KANSL1L: variants seen among roughly 807,000 people sequenced by gnomAD.
The protein encoded by KANSL1L is KAT8 regulatory NSL complex subunit 1-like protein.
A neutral mutation model predicts 108.6 loss-of-function variants in KANSL1L; 25 were observed. The ratio of observed to expected loss-of-function variants is 0.23; its 90% CI spans 0.17 to 0.32. The LOEUF (loss-of-function observed/expected upper bound fraction) is 0.32. Ranked by LOEUF, KANSL1L falls within the 10% of genes least tolerant of loss-of-function variation. The pLI is 1.00. For missense variants in KANSL1L, 1,137 were observed against 1,125.7 expected, an observed-to-expected ratio of 1.01 and a Z score of -0.14; for synonymous variants, 405 against 395.1, an observed-to-expected ratio of 1.03 and a Z score of -0.30.
chr2:210,101,233 G>A (rs919354853), intron 4 of KANSL1L, among the ~76,000 whole-genome samples: 7 of 152,144 alleles, frequency 4.6e-5, no homozygotes, highest in African/African-American at 9.7e-5. Flanking sequence ...CAGGCTGAGC[G>A]CAGATGGAGG....
At chr2:210,088,710 G>C (rs1023748647) in intron 5 of KANSL1L, 2 of 152,444 alleles carry the variant, frequency 1.3e-5, no homozygotes, top group African/African-American at 4.8e-5. Flanking sequence ...GTGGGCATTG[G>C]CTTGTTACCT....
intron 6 of KANSL1L, among the ~76,000 whole-genome samples, chr2:210,067,597 G>A (rs1362497733): frequency 2.0e-5 from 3 of 151,682 alleles, no homozygotes; most frequent in South Asian, 2.1e-4. Flanking sequence ...CAGCTACTCC[G>A]GAGGCTGAGG....
At chr2:210,054,419 T>A (rs981965395) in intron 6 of KANSL1L, among the ~76,000 whole-genome samples, 1 of 152,104 alleles carries the variant, frequency 6.6e-6, no homozygotes, top group African/African-American at 2.4e-5. Context: ...TACTGTGTTA[T>A]AAAGATGTTG....
chr2:210,034,058 T>C (rs2094064917), intron 8 of KANSL1L, among the ~76,000 whole-genome samples: 1 of 152,126 alleles, frequency 6.6e-6, no homozygotes, highest in Admixed American at 6.5e-5. Flanking sequence ...GATCACACTT[T>C]CATAGCATTT....
chr2:210,098,879 T>C (rs142400957), intron 4 of KANSL1L, among the ~76,000 whole-genome samples: 183 of 150,866 alleles, frequency 1.2e-3, no homozygotes, highest in African/African-American at 4.0e-3. Context: ...ATATATGTAA[T>C]AAATATTAAA....
At chr2:210,163,032 T>G (rs780308024) in intron 1 of KANSL1L, among the ~76,000 whole-genome samples, 9 of 152,178 alleles carry the variant, frequency 5.9e-5, no homozygotes, top group Non-Finnish European at 1.2e-4. Flanking sequence ...ACAGAACATC[T>G]TTTCTATCCT....
chr2:210,062,512 G>C (rs557078607), intron 6 of KANSL1L, among the ~76,000 whole-genome samples: 3 of 152,286 alleles, frequency 2.0e-5, no homozygotes, highest in African/African-American at 7.2e-5. Flanking sequence ...AGAAAAGTGT[G>C]GGAAAGTTTG....
At chr2:210,165,338 T>C (rs1175952548) in intron 1 of KANSL1L, among the ~76,000 whole-genome samples, 1 of 152,106 alleles carries the variant, frequency 6.6e-6, no homozygotes, top group Non-Finnish European at 1.5e-5. Flanking sequence ...CCAAACTCAG[T>C]GTATCTCCGG....
Position 210,153,849 on chromosome 2 carries a change from A to C in KANSL1L, c.734T>G (p.Leu245Trp). The change falls in exon 2 of 15, where the codon TTG becomes TGG. Residue 245 changes from leucine to tryptophan, a missense_variant. Leu to Trp is a moderately conservative substitution (Grantham distance 61, BLOSUM62 -2). Around this residue, in one of 3 missense-constraint regions of KANSL1L, gnomAD observed 556 missense variants for 537.7 expected, o/e 1.03. Coordinates refer to ENST00000281772, the MANE Select transcript of KANSL1L (RefSeq NM_152519.4). ...LSQARRTQKH[L>W]QMLLAKHVVK... ...AACATGCTTTGCCAGGAGCATCTGC[A>C]AATGTTTCTGAGTTCTTCTAGCCTG... 2.5e-6 allele frequency: 4 copies of C among 1,612,672 alleles called. No homozygotes were observed. The highest frequency in any genetic ancestry group is 3.4e-6 in the Non-Finnish European group (4 of 1,179,644).
intron 6 of KANSL1L, chr2:210,064,506 T>A (rs1223319516): frequency 6.6e-6 from 1 of 152,110 alleles, no homozygotes; most frequent in Non-Finnish European, 1.5e-5. Flanking sequence ...CTCTTCCATC[T>A]TACTGCTCTA....
chr2:210,157,863 C>T (rs999207089), intron 1 of KANSL1L, among the ~76,000 whole-genome samples: 4 of 151,362 alleles, frequency 2.6e-5, no homozygotes, highest in Admixed American at 6.6e-5. Context: ...AATGATAGTG[C>T]CATTGCACTC....
chr2:210,057,428 G>C (rs2094363736), intron 6 of KANSL1L, among the ~76,000 whole-genome samples: 1 of 152,068 alleles, frequency 6.6e-6, no homozygotes, highest in East Asian at 1.9e-4. Context: ...AGGGCCGGGC[G>C]CTGTGGCTCA....
intron 1 of KANSL1L, among the ~76,000 whole-genome samples, chr2:210,155,812 ATTT>A (rs767596343): frequency 6.6e-6 from 1 of 152,182 alleles, no homozygotes; most frequent in Non-Finnish European, 1.5e-5. Flanking sequence ...ATATGCCAAA[ATTT>A]TTGTTTCAAC....
chr2:210,109,244 A>C (rs2094881479), intron 3 of KANSL1L, among the ~76,000 whole-genome samples: 1 of 152,162 alleles, frequency 6.6e-6, no homozygotes, highest in Non-Finnish European at 1.5e-5. Flanking sequence ...TGAAACGATT[A>C]TAGGTTTTAT....
rs1284107163 is a variant in KANSL1L, at chr2:210,154,365, G to A, written c.218C>T (p.Ser73Phe). ...VNLKHFGSPQ[S>F]SKHYQTVFLM... ...AAAAACAGTCTGGTAATGTTTTGAA[G>A]ACTGAGGGGAGCCAAAATGTTTTAA... Residue 73 changes from serine (S) to phenylalanine (F), a missense_variant, in exon 2 of 15, where the codon TCT becomes TTT. This residue lies in a region of KANSL1L where 556 missense variants were observed against 537.7 expected (regional missense o/e 1.03). Coordinates refer to ENST00000281772, the MANE Select transcript of KANSL1L (RefSeq NM_152519.4). 6.2e-7 allele frequency: 1 copy of A among 1,610,916 alleles called. No homozygotes were observed. Among genetic ancestry groups the A allele is most frequent in the South Asian group, 1.1e-5 (1 of 90,362 alleles).
intron 2 of KANSL1L, among the ~76,000 whole-genome samples, chr2:210,130,891 C>A (rs2095113920): frequency 6.7e-6 from 1 of 149,456 alleles, no homozygotes; most frequent in African/African-American, 2.5e-5. Context: ...GGAGAAAGCA[C>A]TGCAGTAGGA....
intron 2 of KANSL1L, among the ~76,000 whole-genome samples, chr2:210,148,939 C>T (rs1200241194): frequency 6.6e-6 from 1 of 151,922 alleles, no homozygotes; most frequent in East Asian, 1.9e-4. Context: ...ATGCATTTTA[C>T]TTATCAACTT....
chr2:210,074,291 C>T (rs6732707), intron 6 of KANSL1L, among the ~76,000 whole-genome samples: 129 of 152,254 alleles, frequency 8.5e-4, no homozygotes, highest in African/African-American at 3.0e-3. Context: ...TCTTTCAAAA[C>T]CCATCTTTTC....
At chr2:210,106,495 A>G (rs896995618) in intron 3 of KANSL1L, among the ~76,000 whole-genome samples, 1 of 151,708 alleles carries the variant, frequency 6.6e-6, no homozygotes, top group Non-Finnish European at 1.5e-5. Context: ...GAGGCAGGGC[A>G]TGGTGGTTTA....
Sources: gnomAD v4.1 joint callset for allele counts (sites outside exome capture counted in the v4.1 genomes callset) on GRCh38, gnomAD v4.1.1 for gene constraint, gnomAD v4.1.1 regional missense constraint, MANE v1.5 for transcripts, NCBI Gene and HGNC (gene_info 2026-07-23, HGNC 2026-07-21) for gene names.